ATP2B4: variants seen among roughly 807,000 people sequenced by gnomAD.
The protein encoded by ATP2B4 is plasma membrane calcium-transporting ATPase 4.
A neutral mutation model predicts 110.3 loss-of-function variants in ATP2B4; 39 were observed. The observed-to-expected ratio is 0.35, with a 90% CI of 0.27 to 0.46. The LOEUF is 0.46. ATP2B4 is among the 20% of genes least tolerant of loss of function. The probability of loss-of-function intolerance (pLI) is 1.00; values close to 1 mark genes in which losing one functional copy is unlikely to be tolerated. For synonymous variants in ATP2B4, 538 were observed against 571.7 expected (o/e 0.94, Z 0.84); for missense variants, 1,135 against 1,530.9 (o/e 0.74, Z 4.32).
intron 2 of ATP2B4, among the ~76,000 whole-genome samples, chr1:203,694,831 A>G (rs1044397366): frequency 6.6e-6 from 1 of 152,212 alleles, no homozygotes; most frequent in Non-Finnish European, 1.5e-5. Flanking sequence ...GCTATAATCC[A>G]GATGAGAGAG....
Position 203,657,643 on chromosome 1 carries a change from G to T in ATP2B4, c.-464-25099G>T, listed in dbSNP as rs1664201933. ...ATCATTTGCTTTGCCTTCTTTGAAC[G>T]TTCATGAGCCTCTCGTTCATAAGCC... On this transcript the variant is annotated intron_variant, in intron 1 of 20. Coordinates refer to ENST00000357681, the MANE Select transcript of ATP2B4 (RefSeq NM_001684.5). 3 of 858,022 alleles carry T rather than the reference G, an allele frequency of 3.5e-6. No homozygotes were observed. In the East Asian group the frequency reaches 7.2e-5, roughly 21 times the overall value. 53.2% of individuals were successfully genotyped at this position (858,022 alleles called of 1,614,324 possible).
intron 20 of ATP2B4, among the ~76,000 whole-genome samples, chr1:203,734,842 A>T (rs1251085989): frequency 4.0e-5 from 6 of 151,788 alleles, no homozygotes. Flanking sequence ...GTCTCTACTA[A>T]AAAATACAAA....
Position 203,686,685 on chromosome 1 carries a change from C to CTTTTTTTTTTTTT in ATP2B4, c.193+3301_193+3313dup, listed in dbSNP as rs779048789. On this transcript the variant is annotated intron_variant, in intron 2 of 20. Coordinates refer to ENST00000357681, the MANE Select transcript of ATP2B4 (RefSeq NM_001684.5). ...CCTGGTGTTTTTCTTTCTTTTCTTTCTTTTTTTTTTTTTTTTTTTTTTTTT... is the reference window on the plus strand; with the variant it reads ...CCTGGTGTTTTTCTTTCTTTTCTTTCTTTTTTTTTTTTTTTTTTTTTTTTTTTTTTTTTTTTTT... 2.3e-3 allele frequency among the ~76,000 whole-genome samples: 99 copies of CTTTTTTTTTTTTT among 42,772 alleles called. 5 individuals carry two copies. Among genetic ancestry groups the CTTTTTTTTTTTTT allele is most frequent in the African/African-American group, 6.6e-3 (65 of 9,910 alleles). 28.1% of individuals were successfully genotyped at this position (42,772 alleles called of 152,430 possible). A position where few individuals can be genotyped will look rare whatever the true frequency, so the allele number is the denominator to read the frequency against.
At chr1:203,732,502 G>C (rs557563475) in intron 20 of ATP2B4, among the ~76,000 whole-genome samples, 4 of 152,140 alleles carry the variant, frequency 2.6e-5, no homozygotes, top group African/African-American at 9.7e-5. Context: ...AGAGGAGGAT[G>C]AGCCCAGCAA....
At chr1:203,664,110 C>T (rs1409167911) in intron 1 of ATP2B4, among the ~76,000 whole-genome samples, 1 of 152,230 alleles carries the variant, frequency 6.6e-6, no homozygotes, top group Non-Finnish European at 1.5e-5. Flanking sequence ...GCTTTGAAAA[C>T]TGTGAAGCAT....
intron 1 of ATP2B4, chr1:203,657,044 CTT>C: frequency 2.5e-6 from 2 of 791,308 alleles, no homozygotes. Context: ...CTCCAAATAA[CTT>C]TGCCTCCTTG....
At chr1:203,654,026 C>G (rs1202411594) in intron 1 of ATP2B4, among the ~76,000 whole-genome samples, 1 of 141,390 alleles carries the variant, frequency 7.1e-6, no homozygotes, top group Non-Finnish European at 1.5e-5. Flanking sequence ...TCTTGTTGCC[C>G]AGGCTGGAGT....
chr1:203,703,549 A>T, intron 7 of ATP2B4, 103 bp from the exon 8 acceptor site: 1 of 1,341,892 alleles, frequency 7.5e-7, no homozygotes, highest in African/African-American at 1.5e-5. Flanking sequence ...GGTCCAAGGT[A>T]TATTCCGGGA....
chr1:203,655,997 T>C (rs1404923781), intron 1 of ATP2B4, among the ~76,000 whole-genome samples: 3 of 151,776 alleles, frequency 2.0e-5, no homozygotes, highest in Non-Finnish European at 4.4e-5. Context: ...CTTCGCCTCC[T>C]GGGTTCAAGC....
At chr1:203,719,225 G>GAAAAAAAAAAAAAAAAAA (rs60841821) in intron 15 of ATP2B4, among the ~76,000 whole-genome samples, 9 of 54,406 alleles carry the variant, frequency 1.7e-4, no homozygotes, top group African/African-American at 6.8e-4. Context: ...ACCCTGTCTC[G>GAAAAAAAAAAAAAAAAAA]AAAAAAAAAA....
intron 9 of ATP2B4, 140 bp from the exon 10 acceptor site, chr1:203,707,722 C>T: frequency 8.4e-7 from 1 of 1,191,550 alleles, no homozygotes; most frequent in Non-Finnish European, 1.2e-6. Context: ...TGAATCACTG[C>T]ACCCAGTCAG....
intron 15 of ATP2B4, among the ~76,000 whole-genome samples, chr1:203,714,887 A>G (rs920075889): frequency 1.3e-5 from 2 of 152,268 alleles, no homozygotes; most frequent in African/African-American, 4.8e-5. Context: ...CAGTGGAAGG[A>G]CATTTAAGAA....
At chr1:203,636,328 AC>A (rs1663436470) in intron 1 of ATP2B4, among the ~76,000 whole-genome samples, 1 of 150,886 alleles carries the variant, frequency 6.6e-6, no homozygotes, top group South Asian at 2.1e-4. Flanking sequence ...TGTGCTACCC[AC>A]CCCCGCCTCC....
intron 20 of ATP2B4, among the ~76,000 whole-genome samples, chr1:203,734,195 C>T (rs766143262): frequency 3.3e-5 from 5 of 151,476 alleles, no homozygotes; most frequent in Non-Finnish European, 5.9e-5. Context: ...TATAGCTACT[C>T]GGGAGGCTAA....
At position 203,714,231 on chromosome 1, in the gene ATP2B4, C is replaced by G; in HGVS notation, c.2360C>G (p.Thr787Arg). 1 of 1,614,160 alleles carries G rather than the reference C, an allele frequency of 6.2e-7. No individual in the cohort carries two copies. The highest frequency in any genetic ancestry group is 8.5e-7 in the Non-Finnish European group (1 of 1,180,028). ...RQVVAVTGDG[T>R]NDGPALKKAD... ...GTCGTGGCTGTCACTGGTGATGGCA[C>G]AAATGACGGGCCTGCTCTGAAGAAA... The change falls in exon 15 of 21, where the codon ACA becomes AGA. Residue 787 changes from threonine to arginine, a missense_variant. Coordinates refer to ENST00000357681, the MANE Select transcript of ATP2B4 (RefSeq NM_001684.5).
In ATP2B4 at chr1:203,710,972, G is replaced by A; in HGVS notation, c.1895G>A (p.Cys632Tyr). ...CGCACTGTCATCGAGCCCATGGCCT[G>A]TGATGGACTCCGGACTATCTGCATA... Reference protein sequence around the residue: ...MVRTVIEPMACDGLRTICIAY... With the variant: ...MVRTVIEPMAYDGLRTICIAY... Residue 632 changes from cysteine to tyrosine, a missense_variant, in exon 12 of 21, where the codon TGT becomes TAT. By Grantham distance (194) the Cys-to-Tyr change is radical. This residue lies in a region of ATP2B4 where 368 missense variants were observed against 455.9 expected (regional missense o/e 0.81). Transcript: ENST00000357681. 8.1e-6 allele frequency: 13 copies of A among 1,614,142 alleles called. No homozygotes were observed. Among genetic ancestry groups the A allele is most frequent in the Non-Finnish European group, 1.1e-5 (13 of 1,180,006 alleles).
In ATP2B4 at chr1:203,707,205, A is replaced by C. The variant is rs1436937215; in HGVS notation, c.1296A>C (p.Ser432=). Residue 432 remains serine (S), a synonymous_variant, in exon 9 of 21, where the codon TCA becomes TCC. Coordinates refer to ENST00000357681, the MANE Select transcript of ATP2B4 (RefSeq NM_001684.5). ...GGCTGCCTCTGGCTGTCACCATCTC[A>C]CTGGCCTACTCTGTGAAGGTGAGAC... ...PEGLPLAVTI[S]LAYSVKKMMK... is the part of the protein sequence containing the mutation. 1 of 1,613,742 alleles carries C rather than the reference A, an allele frequency of 6.2e-7. No individual in the cohort carries two copies. Among genetic ancestry groups the C allele is most frequent in the Admixed American group, 1.7e-5 (1 of 60,000 alleles).
chr1:203,731,717 G>A (rs1666718788), intron 20 of ATP2B4, among the ~76,000 whole-genome samples: 1 of 150,398 alleles, frequency 6.6e-6, no homozygotes, highest in Non-Finnish European at 1.5e-5. Context: ...GGGCATGGTG[G>A]CAGGTACGTG....
At chr1:203,633,443 A>G (rs1663337203) in intron 1 of ATP2B4, among the ~76,000 whole-genome samples, 1 of 152,092 alleles carries the variant, frequency 6.6e-6, no homozygotes, top group Non-Finnish European at 1.5e-5. Flanking sequence ...ATGGGTGATA[A>G]AGCAAGACTC....
Sources: allele counts gnomAD v4.1 joint callset (sites outside exome capture counted in the v4.1 genomes callset), GRCh38; gene constraint gnomAD v4.1.1; regional missense constraint gnomAD v4.1.1; transcripts MANE v1.5; gene names NCBI Gene and HGNC (gene_info 2026-07-23, HGNC 2026-07-21).